The following GLCE variants were observed in gnomAD, a reference collection of about 807,000 sequenced individuals.
The protein encoded by GLCE is D-glucuronyl C5-epimerase.
GLCE carries 19 observed loss-of-function variants against 47.9 expected under a neutral mutation model. The observed-to-expected ratio is 0.40, with a 90% CI of 0.28 to 0.58. GLCE has a LOEUF of 0.58. Among genes scored for constraint, GLCE ranks in the 20% least tolerant of loss-of-function variants. The probability of loss-of-function intolerance (pLI) is 0.48; values close to 1 mark genes in which losing one functional copy is unlikely to be tolerated. For missense variants in GLCE, 556 were observed against 743.3 expected, an observed-to-expected ratio of 0.75 and a Z score of 2.93; for synonymous variants, 245 against 263.4, an observed-to-expected ratio of 0.93 and a Z score of 0.68.
intron 2 of GLCE, among the ~76,000 whole-genome samples, chr15:69,243,289 A>T (rs992114888): frequency 5.3e-5 from 8 of 152,284 alleles, no homozygotes; most frequent in African/African-American, 1.9e-4. Flanking sequence ...ATAACCACGA[A>T]TGTGTCTTCC....
At position 69,272,202 on chromosome 15, in the gene GLCE, A is replaced by G. The variant is rs1449642885; in HGVS notation, c.*2958A>G. 2.0e-5 allele frequency: 3 copies of G among 152,650 alleles called. No individual in the cohort carries two copies. The highest frequency in any genetic ancestry group is 1.3e-4 in the Admixed American group (2 of 15,288). 9.5% of individuals were successfully genotyped at this position (152,650 alleles called of 1,614,324 possible). On this transcript the variant is annotated 3_prime_UTR_variant, in exon 5 of 5. Transcript: ENST00000261858. ...CTGTAAAATAAAGTTTTTTTCTTAA[A>G]AAGAATATACCTGGATATTTCTCTT...
At chr15:69,234,855 C>T (rs1175244581) in intron 2 of GLCE, among the ~76,000 whole-genome samples, 1 of 152,054 alleles carries the variant, frequency 6.6e-6, no homozygotes, top group East Asian at 1.9e-4. Flanking sequence ...TTTATGTTGC[C>T]TACCAATATA....
rs992445935 is a variant in GLCE at position 69,241,722 on chromosome 15, C to T, written c.-13-14072C>T. 8.5e-5 allele frequency among the ~76,000 whole-genome samples: 13 copies of T among 152,294 alleles called. 2 individuals are homozygous for T. Among genetic ancestry groups the T allele is most frequent in the Admixed American group, 8.5e-4 (13 of 15,300 alleles). ...TTTCACCTGGAACTTGATAGAAAAG[C>T]AGGTTTTTAGGTCTCTACCTAGATT... On this transcript the variant is annotated intron_variant, in intron 2 of 4. Coordinates refer to ENST00000261858, the MANE Select transcript of GLCE (RefSeq NM_015554.3).
chr15:69,220,995 A>T (rs191940818), intron 2 of GLCE, among the ~76,000 whole-genome samples: 1 of 152,338 alleles, frequency 6.6e-6, no homozygotes, highest in South Asian at 2.1e-4. Context: ...AGTTTTCCCA[A>T]CACCATTTGT....
intron 2 of GLCE, among the ~76,000 whole-genome samples, chr15:69,232,914 TGA>T (rs1355551588): frequency 6.6e-6 from 1 of 152,194 alleles, no homozygotes; most frequent in Non-Finnish European, 1.5e-5. Flanking sequence ...ATAGACTAAA[TGA>T]GAGTATTTCT....
chr15:69,223,946 C>T (rs768287101), intron 2 of GLCE, among the ~76,000 whole-genome samples: 32 of 152,268 alleles, frequency 2.1e-4, no homozygotes, highest in South Asian at 2.1e-4. Context: ...GATACTTACA[C>T]GTTTTTCATA....
Position 69,229,510 on chromosome 15 carries a change from A to G in GLCE, c.-14+19104A>G, listed in dbSNP as rs980961711. ...GAAGAGCCCTGGAAATGGTGAGTGT[A>G]TATGAATGGATATAAAAGTCTTTTT... On this transcript the variant is annotated intron_variant, in intron 2 of 4. Transcript: ENST00000261858. Among the ~76,000 whole-genome samples, 3 of 152,204 alleles carry G rather than the reference A, an allele frequency of 2.0e-5. No individual in the cohort carries two copies. In the South Asian group the frequency reaches 6.2e-4, roughly 31 times the overall value.
intron 2 of GLCE, among the ~76,000 whole-genome samples, chr15:69,229,387 C>A (rs1432810826): frequency 6.6e-6 from 1 of 152,010 alleles, no homozygotes; most frequent in Non-Finnish European, 1.5e-5. Context: ...AAGAGGGAAC[C>A]CAAACAGCTC....
At chr15:69,240,554 T>C (rs2052655799) in intron 2 of GLCE, among the ~76,000 whole-genome samples, 1 of 152,030 alleles carries the variant, frequency 6.6e-6, no homozygotes, top group South Asian at 2.1e-4. Context: ...GGGGGCTAGC[T>C]AACGGGGAGG....
intron 2 of GLCE, among the ~76,000 whole-genome samples, 155 bp from the exon 3 acceptor site, chr15:69,255,639 G>A (rs949753635): frequency 1.3e-5 from 2 of 150,642 alleles, no homozygotes; most frequent in Non-Finnish European, 3.0e-5. Context: ...ACCTTTTTTT[G>A]TGCTGAAAAG....
chr15:69,206,123 C>G (rs34873790), intron 1 of GLCE, among the ~76,000 whole-genome samples: 77,350 of 151,916 alleles, frequency 0.51, 23,229 homozygotes, highest in Admixed American at 0.65. Flanking sequence ...GACAGTTTCT[C>G]TGCCTTTCTT....
chr15:69,242,038 C>T (rs1018138992), intron 2 of GLCE, among the ~76,000 whole-genome samples: 4 of 152,128 alleles, frequency 2.6e-5, no homozygotes, highest in Non-Finnish European at 5.9e-5. Flanking sequence ...TTTTCCTGAC[C>T]ATTTCATTGG....
chr15:69,186,253 A>C (rs911932987), intron 1 of GLCE, among the ~76,000 whole-genome samples: 1 of 152,074 alleles, frequency 6.6e-6, no homozygotes, highest in Non-Finnish European at 1.5e-5. Context: ...CCACTGTCAG[A>C]GAGGCTGGGT....
Position 69,251,863 on chromosome 15 carries a change from A to G in GLCE, c.-13-3931A>G, listed in dbSNP as rs978233961. 3.9e-5 allele frequency among the ~76,000 whole-genome samples: 6 copies of G among 152,318 alleles called. No individual in the cohort carries two copies. In the East Asian group the frequency reaches 1.2e-3, roughly 29 times the overall value. On this transcript the variant is annotated intron_variant, in intron 2 of 4. Coordinates refer to ENST00000261858, the MANE Select transcript of GLCE (RefSeq NM_015554.3). ...GCCATGATGTTATATATTTATGGAA[A>G]TGTTTAAACAAAAGTATATAGTGAG...
chr15:69,253,866 A>G (rs1240118445), intron 2 of GLCE, among the ~76,000 whole-genome samples: 1 of 152,202 alleles, frequency 6.6e-6, no homozygotes, highest in Admixed American at 6.5e-5. Flanking sequence ...TAAGACAGTA[A>G]AGTATTGCCT....
chr15:69,231,562 C>T (rs879724708), intron 2 of GLCE, among the ~76,000 whole-genome samples: 1 of 151,908 alleles, frequency 6.6e-6, no homozygotes, highest in Non-Finnish European at 1.5e-5. Context: ...GGATTACAGG[C>T]GTGAGCCACC....
chr15:69,259,342 T>C (rs895418155), intron 3 of GLCE, among the ~76,000 whole-genome samples: 6 of 152,224 alleles, frequency 3.9e-5, no homozygotes, highest in African/African-American at 1.4e-4. Flanking sequence ...TAGAAGTTTT[T>C]AGTTCCATTT....
chr15:69,199,790 T>C (rs1181298082), intron 1 of GLCE, among the ~76,000 whole-genome samples: 1 of 152,130 alleles, frequency 6.6e-6, no homozygotes, highest in Non-Finnish European at 1.5e-5. Context: ...CCAGACCTTT[T>C]GATTTAATTG....
intron 1 of GLCE, among the ~76,000 whole-genome samples, chr15:69,179,477 C>T (rs1427649557): frequency 6.6e-6 from 1 of 152,110 alleles, no homozygotes; most frequent in Non-Finnish European, 1.5e-5. Context: ...TACAGGCACT[C>T]ATTGTATGTG....
Sources: gnomAD v4.1 joint callset for allele counts (sites outside exome capture counted in the v4.1 genomes callset) on GRCh38, gnomAD v4.1.1 for gene constraint, MANE v1.5 for transcripts, NCBI Gene and HGNC (gene_info 2026-07-23, HGNC 2026-07-21) for gene names.